Variants in TNFRSF8 observed in about 807,000 individuals in gnomAD.
TNFRSF8 encodes TNF receptor superfamily member 8.
TNFRSF8 carries 26 observed loss-of-function variants against 70.8 expected under a neutral mutation model. That is an observed-to-expected ratio of 0.37 (90% CI 0.27 to 0.51). The LOEUF (loss-of-function observed/expected upper bound fraction) is 0.51. Ranked by LOEUF, TNFRSF8 falls within the 20% of genes least tolerant of loss-of-function variation. The pLI, the probability that TNFRSF8 is intolerant of heterozygous loss-of-function variation, is 0.94. For missense variants in TNFRSF8, 720 were observed against 807.9 expected (o/e 0.89, Z 1.32); for synonymous variants, 356 against 339.2 (o/e 1.05, Z -0.54).
chr1:12,103,464 C>T (rs1190573197), intron 3 of TNFRSF8, among the ~76,000 whole-genome samples: 1 of 152,038 alleles, frequency 6.6e-6, no homozygotes, highest in Non-Finnish European at 1.5e-5. Flanking sequence ...CCCAATCTCC[C>T]ACAGTTTCCC....
Position 12,125,995 on chromosome 1 carries a change from G to A in TNFRSF8, c.1198G>A (p.Gly400Ser), listed in dbSNP as rs763427886. 57 of 1,613,986 alleles carry A rather than the reference G, an allele frequency of 3.5e-5. No homozygotes were observed. Among genetic ancestry groups the A allele is most frequent in the South Asian group, 3.0e-4 (27 of 91,082 alleles). ...GATCCTGGTGTTGGTTGTGGTGGTC[G>A]GCTCCAGCGCCTTCCTCCTGTGCCA... is the stretch of plus-strand genomic sequence containing the variant. Reference protein sequence around the residue: ...WVILVLVVVVGSSAFLLCHRR... With the variant: ...WVILVLVVVVSSSAFLLCHRR... Residue 400 changes from glycine (G) to serine (S), a missense_variant, in exon 11 of 15, where the codon GGC becomes AGC. Transcript: ENST00000263932.
At chr1:12,068,049 G>C (rs1358400978) in intron 1 of TNFRSF8, among the ~76,000 whole-genome samples, 1 of 152,146 alleles carries the variant, frequency 6.6e-6, no homozygotes, top group Non-Finnish European at 1.5e-5. Flanking sequence ...GTGCCGGAAG[G>C]AGGGGCGTTT....
intron 4 of TNFRSF8, among the ~76,000 whole-genome samples, chr1:12,106,482 C>T (rs190972090): frequency 2.6e-5 from 4 of 152,274 alleles, no homozygotes; most frequent in African/African-American, 7.2e-5. Flanking sequence ...ATGTCTGTCT[C>T]CCTCCCTGGC....
intron 1 of TNFRSF8, among the ~76,000 whole-genome samples, chr1:12,069,276 T>C (rs1251650431): frequency 6.9e-6 from 1 of 144,332 alleles, no homozygotes; most frequent in African/African-American, 2.6e-5. Flanking sequence ...TTTCCCAGGT[T>C]CAAGTGATTC....
At chr1:12,081,477 G>C (rs938684019) in intron 1 of TNFRSF8, among the ~76,000 whole-genome samples, 1 of 152,074 alleles carries the variant, frequency 6.6e-6, no homozygotes, top group Non-Finnish European at 1.5e-5. Flanking sequence ...GCTCCCAGGA[G>C]CCCTCTGGGT....
Position 12,104,447 on chromosome 1 carries a change from T to C in TNFRSF8, c.337T>C (p.Phe113Leu). Residue 113 changes from phenylalanine to leucine, a missense_variant, in exon 4 of 15, where the codon TTC becomes CTC. Transcript: ENST00000263932. ...TGTCTGCGAATGTCGACCCGGCATG[T>C]TCTGTTCCACGTCTGCCGTCAACTC... ...SRVCECRPGM[F>L]CSTSAVNSCA... is the part of the protein sequence containing the mutation. 1 of 1,614,172 alleles carries C rather than the reference T, an allele frequency of 6.2e-7. No homozygotes were observed. Among genetic ancestry groups the C allele is most frequent in the Non-Finnish European group, 8.5e-7 (1 of 1,180,036 alleles).
intron 1 of TNFRSF8, among the ~76,000 whole-genome samples, chr1:12,075,792 G>A (rs1010755491): frequency 6.6e-6 from 1 of 152,186 alleles, no homozygotes; most frequent in Non-Finnish European, 1.5e-5. Flanking sequence ...ATTAAAAACC[G>A]CCTAAATCCA....
At chr1:12,075,943 T>G (rs1247749851) in intron 1 of TNFRSF8, among the ~76,000 whole-genome samples, 1 of 152,072 alleles carries the variant, frequency 6.6e-6, no homozygotes, top group East Asian at 1.9e-4. Flanking sequence ...CCAGAGACAT[T>G]CCCAGCATAC....
At chr1:12,071,146 T>G (rs1640836623) in intron 1 of TNFRSF8, among the ~76,000 whole-genome samples, 1 of 152,214 alleles carries the variant, frequency 6.6e-6, no homozygotes, top group Admixed American at 6.5e-5. Context: ...AGGTATTGTC[T>G]TATAGCCCTG....
At position 12,142,152 on chromosome 1, in the gene TNFRSF8, CAG is replaced by C; in HGVS notation, c.1544-130_1544-129del. The C allele has an allele frequency of 7.9e-7, 1 of 1,262,144 alleles. No individual in the cohort carries two copies. The highest frequency in any genetic ancestry group is 2.9e-5 in the Admixed American group (1 of 35,050). 78.2% of individuals were successfully genotyped at this position (1,262,144 alleles called of 1,614,324 possible). Reference sequence around the variant, plus strand: ...CCCCCAGGATGCCTGTAAGGTACATCAGAGAGGCTGTGCCATCAGCCTGAAGC... The same window carrying C: ...CCCCCAGGATGCCTGTAAGGTACATCAGAGGCTGTGCCATCAGCCTGAAGC... On this transcript the variant is annotated intron_variant, in intron 14 of 14. Coordinates refer to ENST00000263932, the MANE Select transcript of TNFRSF8 (RefSeq NM_001243.5). This position sits in a 1 kb window ranked among gnomAD's most constrained non-coding sequence, Gnocchi z 5.0.
chr1:12,114,569 C>T (rs898025661), intron 7 of TNFRSF8, among the ~76,000 whole-genome samples: 11 of 151,802 alleles, frequency 7.2e-5, no homozygotes, highest in South Asian at 2.1e-4. Context: ...CTGATGCAGT[C>T]GTTCTGTATT....
intron 1 of TNFRSF8, chr1:12,077,887 A>G (rs1249557527): frequency 1.3e-5 from 2 of 149,626 alleles, no homozygotes; most frequent in Non-Finnish European, 3.0e-5. Context: ...TTTTTTAAAT[A>G]TGGACCGTTT....
chr1:12,079,586 G>A (rs1037522749), intron 1 of TNFRSF8, among the ~76,000 whole-genome samples: 1 of 152,182 alleles, frequency 6.6e-6, no homozygotes, highest in African/African-American at 2.4e-5. Flanking sequence ...CTTCTCCACC[G>A]GGAGCTGGGA....
At chr1:12,095,652 GC>G (rs1336349805) in intron 2 of TNFRSF8, among the ~76,000 whole-genome samples, 2 of 152,154 alleles carry the variant, frequency 1.3e-5, no homozygotes, top group African/African-American at 4.8e-5. Flanking sequence ...GGATTCCTCT[GC>G]ATTCCTGCAT....
At position 12,067,943 on chromosome 1, in the gene TNFRSF8, G is replaced by A. The variant is rs561334849; in HGVS notation, c.63+4282G>A. ...GAGAGGAGGGGACCCTGAAGGAGTG[G>A]AAGGAGGGTCTGGCTTGTCTTAAAG... On this transcript the variant is annotated intron_variant, in intron 1 of 14. Transcript: ENST00000263932. 3.3e-5 allele frequency among the ~76,000 whole-genome samples: 5 copies of A among 151,766 alleles called. No individual in the cohort carries two copies. In the South Asian group the frequency reaches 1.0e-3, roughly 32 times the overall value.
chr1:12,084,432 A>T, intron 1 of TNFRSF8, 32 bp from the exon 2 acceptor site: 3 of 1,600,954 alleles, frequency 1.9e-6, no homozygotes, highest in Non-Finnish European at 2.6e-6. Context: ...TCTGGGATCC[A>T]CCTGGCCTCA....
At chr1:12,083,687 A>C (rs1333896858) in intron 1 of TNFRSF8, among the ~76,000 whole-genome samples, 1 of 152,196 alleles carries the variant, frequency 6.6e-6, no homozygotes, top group Non-Finnish European at 1.5e-5. Context: ...ACTCTGTCTC[A>C]ACAAATTAAA....
Position 12,142,744 on chromosome 1 carries a change from G to A in TNFRSF8, c.*213G>A, listed in dbSNP as rs1400628564. On this transcript the variant is annotated 3_prime_UTR_variant, in exon 15 of 15. Coordinates refer to ENST00000263932, the MANE Select transcript of TNFRSF8 (RefSeq NM_001243.5). This position sits in a 1 kb window ranked among gnomAD's most constrained non-coding sequence, Gnocchi z 5.0. ...CCCTGACCCAGAGCCTAGGGGATCC[G>A]GGGCTTGTACAGAAGAGACAGTCCA... 1.1e-5 allele frequency: 7 copies of A among 629,066 alleles called. No individual in the cohort carries two copies. Among genetic ancestry groups the A allele is most frequent in the Admixed American group, 6.1e-5 (2 of 33,044 alleles). 39.0% of individuals were successfully genotyped at this position (629,066 alleles called of 1,614,324 possible).
chr1:12,133,681 A>G (rs1444018242), intron 12 of TNFRSF8, among the ~76,000 whole-genome samples: 3 of 144,930 alleles, frequency 2.1e-5, no homozygotes, highest in African/African-American at 7.8e-5. Context: ...CGGAGGTTGC[A>G]GTGAGCCGAG....
Sources: allele counts gnomAD v4.1 joint callset (sites outside exome capture counted in the v4.1 genomes callset), GRCh38; gene constraint gnomAD v4.1.1; non-coding constraint Gnocchi (gnomAD v3.1); transcripts MANE v1.5; gene names NCBI Gene and HGNC (gene_info 2026-07-23, HGNC 2026-07-21).